Variants in SNRK observed in about 807,000 individuals in gnomAD.
SNRK encodes the protein SNF related kinase, also known as SNF-related serine/threonine-protein kinase.
A neutral mutation model predicts 48.2 loss-of-function variants in SNRK; 3 were observed. That is an observed-to-expected ratio of 0.06 (90% CI 0.03 to 0.16). SNRK has a LOEUF of 0.16. Among genes scored for constraint, SNRK ranks in the 10% least tolerant of loss-of-function variants. The probability of loss-of-function intolerance (pLI) is 1.00; values close to 1 mark genes in which losing one functional copy is unlikely to be tolerated. For synonymous variants in SNRK, 376 were observed against 366.1 expected (o/e 1.03, Z -0.31); for missense variants, 627 against 976.0 (o/e 0.64, Z 4.76).
rs555369914 is a variant in SNRK at position 43,340,016 on chromosome 3, C to G, written c.732-271C>G. Among the ~76,000 whole-genome samples the G allele has an allele frequency of 2.2e-4, 34 of 151,372 alleles. No homozygotes were observed. In the South Asian group the frequency reaches 6.3e-3, roughly 28 times the overall value. On this transcript the variant is annotated intron_variant, in intron 4 of 6. Transcript: ENST00000296088. ...TATGTCACTAAGCCAGCAGTTAATT[C>G]AAGAACAGATGTTGATACCTATAGT...
At chr3:43,325,351 G>A (rs182045696) in intron 3 of SNRK, among the ~76,000 whole-genome samples, 60 of 151,970 alleles carry the variant, frequency 3.9e-4, no homozygotes, top group Non-Finnish European at 7.4e-4. Flanking sequence ...ATTTTTAGTA[G>A]AGACAGGATT....
rs924343057 is a variant in SNRK, at chr3:43,339,103, A to G, written c.732-1184A>G. Among the ~76,000 whole-genome samples, 45 of 152,174 alleles carry G rather than the reference A, an allele frequency of 3.0e-4. 1 individual carries two copies. Among genetic ancestry groups the G allele is most frequent in the Admixed American group, 2.2e-3 (34 of 15,278 alleles). On this transcript the variant is annotated intron_variant, in intron 4 of 6. Coordinates refer to ENST00000296088, the MANE Select transcript of SNRK (RefSeq NM_017719.5). ...GGCTGGTTTTAAGTTACATTCCTAC[A>G]GGAAGGGTGGGTGTATTTACTTCTC...
rs55761306 is a variant in SNRK, at chr3:43,327,969, T to TTA, written c.590-4200_590-4199insTA. On this transcript the variant is annotated intron_variant, in intron 3 of 6. Transcript: ENST00000296088. ...TTCCATGAGTTGGGTTTTTTTTTTT[T>TTA]AAACCAAGCCAATTACATTTATTAA... 4.9e-4 allele frequency among the ~76,000 whole-genome samples: 74 copies of TTA among 151,702 alleles called. 1 individual carries two copies. The East Asian group carries it at 9.9e-3, about 20-fold the overall frequency.
Position 43,345,094 on chromosome 3 carries a change from A to C in SNRK, c.1079+1616A>C, listed in dbSNP as rs76484761. Among the ~76,000 whole-genome samples the C allele has an allele frequency of 2.5e-3, 382 of 152,320 alleles. 1 individual carries two copies. Among genetic ancestry groups the C allele is most frequent in the African/African-American group, 8.5e-3 (353 of 41,568 alleles). ...GGCAACATAGACCCTGTCTCTATAA[A>C]AATTAAAAATAAAAAAAATTTAAAA... On this transcript the variant is annotated intron_variant, in intron 6 of 6. Coordinates refer to ENST00000296088, the MANE Select transcript of SNRK (RefSeq NM_017719.5).
intron 3 of SNRK, among the ~76,000 whole-genome samples, chr3:43,314,058 C>T (rs974673335): frequency 6.6e-6 from 1 of 152,086 alleles, no homozygotes; most frequent in Admixed American, 6.5e-5. Flanking sequence ...ATCAGTCTTA[C>T]GCTGGTATTT....
intron 3 of SNRK, among the ~76,000 whole-genome samples, chr3:43,320,353 G>C (rs1575546162): frequency 6.6e-6 from 1 of 152,284 alleles, no homozygotes; most frequent in East Asian, 1.9e-4. Context: ...TTGTATAACA[G>C]AGTTCGTATG....
chr3:43,347,864 C>T lies in SNRK; in HGVS notation c.1605C>T (p.Gly535=). ...RYHRRKSQGR[G]SSCSSSETSD... Reference sequence around the variant, plus strand: ...ACCGGAGGAAAAGTCAGGGCCGGGGCTCCAGCTGCAGTAGTTCGGAGACCA... The same window carrying T: ...ACCGGAGGAAAAGTCAGGGCCGGGGTTCCAGCTGCAGTAGTTCGGAGACCA... Residue 535 remains glycine, a synonymous_variant, in exon 7 of 7, where the codon GGC becomes GGT. Transcript: ENST00000296088. This position sits in a 1 kb window ranked among gnomAD's most constrained non-coding sequence, Gnocchi z 5.4. 1.9e-6 allele frequency: 3 copies of T among 1,614,166 alleles called. No individual in the cohort carries two copies. The highest frequency in any genetic ancestry group is 2.5e-6 in the Non-Finnish European group (3 of 1,180,026).
intron 6 of SNRK, among the ~76,000 whole-genome samples, chr3:43,345,727 G>A (rs1458742625): frequency 1.3e-5 from 2 of 152,208 alleles, no homozygotes; most frequent in Non-Finnish European, 2.9e-5. Context: ...GCTGAAAGGA[G>A]TGGTGTTGGT....
In SNRK at chr3:43,347,049, A is replaced by G. The variant is rs973360224; in HGVS notation, c.1080-290A>G. On this transcript the variant is annotated intron_variant, in intron 6 of 6. Transcript: ENST00000296088. This position sits in a 1 kb window ranked among gnomAD's most constrained non-coding sequence, Gnocchi z 5.4. ...GGCTTCTAAAAAATGTTTAGTATAA[A>G]GCTTTTGTATAGAAAAGATGGAGTA... 29 of 299,222 alleles carry G rather than the reference A, an allele frequency of 9.7e-5. 1 individual carries two copies. The highest frequency in any genetic ancestry group is 3.1e-5 in the Non-Finnish European group (5 of 161,194). 18.5% of individuals were successfully genotyped at this position (299,222 alleles called of 1,614,324 possible). A position where few individuals can be genotyped will look rare whatever the true frequency, so the allele number is the denominator to read the frequency against.
At chr3:43,299,645 C>A (rs2090883954) in intron 1 of SNRK, 109 bp from the exon 2 acceptor site, 2 of 152,614 alleles carry the variant, frequency 1.3e-5, no homozygotes, top group South Asian at 4.1e-4. Context: ...ACAAATTTTA[C>A]TATTTTTATA....
chr3:43,309,951 A>G (rs949732271), intron 3 of SNRK, among the ~76,000 whole-genome samples: 2 of 152,096 alleles, frequency 1.3e-5, no homozygotes, highest in African/African-American at 4.8e-5. Flanking sequence ...AGGTATGTAC[A>G]TTATCTTTTA....
intron 3 of SNRK, among the ~76,000 whole-genome samples, chr3:43,314,346 C>G (rs1453587989): frequency 6.6e-6 from 1 of 152,122 alleles, no homozygotes; most frequent in Non-Finnish European, 1.5e-5. Flanking sequence ...AAATTGCTAT[C>G]CCTGGTCTAT....
intron 3 of SNRK, among the ~76,000 whole-genome samples, chr3:43,308,492 A>G (rs1271950087): frequency 6.6e-6 from 1 of 152,226 alleles, no homozygotes; most frequent in Non-Finnish European, 1.5e-5. Flanking sequence ...GACCATTCAG[A>G]AAATCCTAGG....
chr3:43,299,334 C>T (rs1430195051), intron 1 of SNRK, among the ~76,000 whole-genome samples: 18 of 152,096 alleles, frequency 1.2e-4, no homozygotes, highest in Non-Finnish European at 2.4e-4. Flanking sequence ...CCCGCCTCCA[C>T]GCCTGGCTAA....
In SNRK at chr3:43,323,169, C is replaced by A. The variant is rs1559465709; in HGVS notation, c.590-9000C>A. 3.3e-5 allele frequency among the ~76,000 whole-genome samples: 5 copies of A among 151,974 alleles called. No individual in the cohort carries two copies. In the South Asian group the frequency reaches 1.0e-3, roughly 32 times the overall value. On this transcript the variant is annotated intron_variant, in intron 3 of 6. Transcript: ENST00000296088. ...AATGAACCTTGATCAGTACCTCACG[C>A]CATGTGTAAAAGCTCGATCTGTGTC...
At chr3:43,301,475 G>C (rs1396467876) in intron 2 of SNRK, among the ~76,000 whole-genome samples, 2 of 152,100 alleles carry the variant, frequency 1.3e-5, no homozygotes, top group African/African-American at 4.8e-5. Context: ...AATGAGACCA[G>C]TGCTGACTGG....
intron 2 of SNRK, among the ~76,000 whole-genome samples, chr3:43,301,557 A>G (rs1254769108): frequency 6.6e-6 from 1 of 152,198 alleles, no homozygotes; most frequent in Non-Finnish European, 1.5e-5. Context: ...CATGAGGCCA[A>G]GAGTTCAAGA....
chr3:43,323,000 G>T (rs1301664115), intron 3 of SNRK, among the ~76,000 whole-genome samples: 1 of 147,532 alleles, frequency 6.8e-6, no homozygotes, highest in East Asian at 2.0e-4. Flanking sequence ...TGATAGATCA[G>T]TGAAATAGAA....
chr3:43,291,556 G>T (rs972465182), intron 1 of SNRK, among the ~76,000 whole-genome samples: 1 of 152,162 alleles, frequency 6.6e-6, no homozygotes, highest in African/African-American at 2.4e-5. Context: ...AAAATCCTTA[G>T]GTGATTTGTA....
Sources: gnomAD v4.1 joint callset for allele counts (sites outside exome capture counted in the v4.1 genomes callset) on GRCh38, gnomAD v4.1.1 for gene constraint, Gnocchi (gnomAD v3.1) non-coding constraint, MANE v1.5 for transcripts, NCBI Gene and HGNC (gene_info 2026-07-23, HGNC 2026-07-21) for gene names.